FSTL5: variants seen among roughly 807,000 people sequenced by gnomAD.
The protein encoded by FSTL5 is follistatin like 5.
In FSTL5, 62 loss-of-function variants were observed where a neutral mutation model predicts 89.1. That is an observed-to-expected ratio of 0.70 (90% CI 0.57 to 0.86). FSTL5 has a LOEUF of 0.86. Among genes scored for constraint, FSTL5 ranks in the 40% least tolerant of loss-of-function variants. The probability of loss-of-function intolerance (pLI) is 0.00; values close to 1 mark genes in which losing one functional copy is unlikely to be tolerated. For synonymous variants in FSTL5, 383 were observed against 346.2 expected (o/e 1.11, Z -1.18); for missense variants, 1,057 against 1,001.6 (o/e 1.06, Z -0.75).
intron 3 of FSTL5, among the ~76,000 whole-genome samples, chr4:162,006,563 C>T (rs1280318909): frequency 6.6e-6 from 1 of 151,902 alleles, no homozygotes; most frequent in Non-Finnish European, 1.5e-5. Flanking sequence ...TACATTTCTA[C>T]ACTGGAATGA....
chr4:161,541,646 G>T (rs1366657424), intron 9 of FSTL5, among the ~76,000 whole-genome samples: 1 of 151,852 alleles, frequency 6.6e-6, no homozygotes, highest in African/African-American at 2.4e-5. Context: ...AATGTATAAT[G>T]ATTATATATA....
intron 12 of FSTL5, 115 bp from the exon 13 acceptor site, chr4:161,481,284 AAT>A (rs202020180): frequency 1.5e-4 from 85 of 579,840 alleles, no homozygotes; most frequent in Middle Eastern, 6.9e-4. Flanking sequence ...TCAAATGTTA[AAT>A]ATATATATAT....
chr4:161,734,545 T>G (rs927259911), intron 6 of FSTL5, among the ~76,000 whole-genome samples: 4 of 152,192 alleles, frequency 2.6e-5, no homozygotes, highest in African/African-American at 9.7e-5. Flanking sequence ...TTCAAAATTT[T>G]TGCAATCTCT....
chr4:161,482,560 T>TCAAC (rs1235907150), intron 12 of FSTL5, among the ~76,000 whole-genome samples: 1 of 152,160 alleles, frequency 6.6e-6, no homozygotes, highest in Non-Finnish European at 1.5e-5. Context: ...AAGACAAAAA[T>TCAAC]CAACCACACT....
At chr4:161,639,692 T>G (rs571957316) in intron 7 of FSTL5, among the ~76,000 whole-genome samples, 2 of 152,152 alleles carry the variant, frequency 1.3e-5, no homozygotes, top group African/African-American at 4.8e-5. Context: ...TTCAGCTATA[T>G]TGTCATAGCA....
intron 4 of FSTL5, among the ~76,000 whole-genome samples, chr4:161,833,093 T>C (rs1349818411): frequency 1.3e-5 from 2 of 151,090 alleles, no homozygotes; most frequent in Non-Finnish European, 3.0e-5. Flanking sequence ...TTTGTTCTCG[T>C]TGGTTTCAAA....
At chr4:161,869,169 C>G (rs963289920) in intron 4 of FSTL5, among the ~76,000 whole-genome samples, 1 of 151,964 alleles carries the variant, frequency 6.6e-6, no homozygotes, top group Non-Finnish European at 1.5e-5. Context: ...CTGCACTCAG[C>G]CTGGGCAACA....
chr4:161,646,571 T>C (rs1736161773), intron 7 of FSTL5, among the ~76,000 whole-genome samples: 1 of 152,114 alleles, frequency 6.6e-6, no homozygotes, highest in Non-Finnish European at 1.5e-5. Context: ...TTTTCTCCCA[T>C]TGCTAATTTT....
chr4:161,805,184 T>A (rs1729925208), intron 4 of FSTL5, among the ~76,000 whole-genome samples: 1 of 152,104 alleles, frequency 6.6e-6, no homozygotes, highest in African/African-American at 2.4e-5. Flanking sequence ...TGATATAATT[T>A]TTGCATGAGT....
At chr4:161,946,384 A>G (rs1360952031) in intron 3 of FSTL5, among the ~76,000 whole-genome samples, 2 of 152,200 alleles carry the variant, frequency 1.3e-5, no homozygotes. Flanking sequence ...AATCCACATC[A>G]TCTATAATGT....
intron 4 of FSTL5, among the ~76,000 whole-genome samples, chr4:161,779,811 G>GTA (rs1203119725): frequency 9.2e-4 from 37 of 40,410 alleles, no homozygotes; most frequent in African/African-American, 1.3e-3. Flanking sequence ...ATATATATAT[G>GTA]TATATATATA....
At chr4:162,064,748 T>C (rs2111291345) in intron 2 of FSTL5, among the ~76,000 whole-genome samples, 1 of 152,144 alleles carries the variant, frequency 6.6e-6, no homozygotes, top group African/African-American at 2.4e-5. Context: ...CATGCCATAA[T>C]AGAAATCCCA....
chr4:161,494,764 C>T (rs6842030), intron 12 of FSTL5, among the ~76,000 whole-genome samples: 63,146 of 151,822 alleles, frequency 0.42, 13,927 homozygotes, highest in South Asian at 0.62. Flanking sequence ...TAAGTTAGCA[C>T]TAAAACCAGG....
intron 8 of FSTL5, among the ~76,000 whole-genome samples, chr4:161,561,218 C>G (rs201227177): frequency 2.7e-4 from 24 of 89,950 alleles, no homozygotes; most frequent in Admixed American, 2.2e-3. Context: ...TAGATAGATA[C>G]ATAGATAGAT....
At chr4:161,430,084 A>G (rs933124859) in intron 15 of FSTL5, among the ~76,000 whole-genome samples, 1 of 152,108 alleles carries the variant, frequency 6.6e-6, no homozygotes, top group Non-Finnish European at 1.5e-5. Context: ...TGAAGCTTAA[A>G]AATGCAAATG....
At position 161,977,639 on chromosome 4, in the gene FSTL5, A is replaced by AAAAAT. The variant is rs1553988132; in HGVS notation, c.160+55985_160+55986insATTTT. Among the ~76,000 whole-genome samples, 595 of 100,882 alleles carry AAAAAT rather than the reference A, an allele frequency of 5.9e-3. 11 individuals carry two copies. The highest frequency in any genetic ancestry group is 7.5e-3 in the Non-Finnish European group (392 of 52,300). The allele number at this position is 100,882 out of a possible 152,430, so 66.2% of individuals were successfully genotyped here. A position where few individuals can be genotyped will look rare whatever the true frequency, so the allele number is the denominator to read the frequency against. ...AAAAAAAAAAAAAAAAAAAAAAAAA[A>AAAAAT]AATAATAATAATAATAATAATAATA... On this transcript the variant is annotated intron_variant, in intron 3 of 15. Coordinates refer to ENST00000306100, the MANE Select transcript of FSTL5 (RefSeq NM_020116.5).
At chr4:161,469,345 C>A (rs189226118) in intron 13 of FSTL5, among the ~76,000 whole-genome samples, 1 of 152,318 alleles carries the variant, frequency 6.6e-6, no homozygotes, top group Non-Finnish European at 1.5e-5. Flanking sequence ...GTTACTTCCA[C>A]ATGATAATTC....
At chr4:161,766,906 CGATTGATA>C (rs201964850) in intron 5 of FSTL5, among the ~76,000 whole-genome samples, 27,925 of 138,608 alleles carry the variant, frequency 0.2, 3,108 homozygotes, top group African/African-American at 0.31. Flanking sequence ...GATGATAGAT[CGATTGATA>C]GATAGATAGA....
rs150529799 is a variant in FSTL5 at position 161,491,511 on chromosome 4, C to T, written c.1458+8505G>A. Among the ~76,000 whole-genome samples, 77 of 151,898 alleles carry T rather than the reference C, an allele frequency of 5.1e-4. 1 individual carries two copies. The East Asian group carries it at 0.013, about 26-fold the overall frequency. Reference sequence around the variant, plus strand: ...AAAATAGAGATGGGATAGAACTGATCGCTTCTTTTTCAGGATGGAAGCAAT... The same window carrying T: ...AAAATAGAGATGGGATAGAACTGATTGCTTCTTTTTCAGGATGGAAGCAAT... On this transcript the variant is annotated intron_variant, in intron 12 of 15. Transcript: ENST00000306100.
Sources: gnomAD v4.1 joint callset for allele counts (sites outside exome capture counted in the v4.1 genomes callset) on GRCh38, gnomAD v4.1.1 for gene constraint, MANE v1.5 for transcripts, NCBI Gene and HGNC (gene_info 2026-07-23, HGNC 2026-07-21) for gene names.